The following IFNAR1 variants were observed in gnomAD, a reference collection of about 807,000 sequenced individuals.
IFNAR1 encodes interferon alpha and beta receptor subunit 1, also known as interferon alpha/beta receptor 1.
IFNAR1 carries 47 observed loss-of-function variants against 62.1 expected under a neutral mutation model. The ratio of observed to expected loss-of-function variants is 0.76; its 90% CI spans 0.60 to 0.97. The LOEUF (loss-of-function observed/expected upper bound fraction) is 0.97. IFNAR1 is among the 50% of genes least tolerant of loss of function. IFNAR1 has a pLI of 0.00. For missense variants in IFNAR1, 638 were observed against 654.5 expected, an observed-to-expected ratio of 0.97 and a Z score of 0.27; for synonymous variants, 219 against 226.9, an observed-to-expected ratio of 0.97 and a Z score of 0.31.
rs201532160 is a variant in IFNAR1 at position 33,335,616 on chromosome 21, G to A, written c.169G>A (p.Gly57Arg). 4.3e-5 allele frequency: 68 copies of A among 1,595,312 alleles called. No individual in the cohort carries two copies. Among genetic ancestry groups the A allele is most frequent in the Middle Eastern group, 1.7e-4 (1 of 6,044 alleles). The part of the protein sequence containing the change: ...LRWNRSDESV[G>R]NVTFSFDYQK... The stretch of plus-strand genomic sequence containing the variant: ...GTGGAACAGGAGCGATGAGTCTGTC[G>A]GGAATGTGACTTTTTCATTCGATTA... Residue 57 changes from glycine (G) to arginine (R), a missense_variant, in exon 2 of 11, where the codon GGG (glycine) becomes AGG (arginine). Gly to Arg is a moderately radical substitution (Grantham distance 125). Coordinates refer to ENST00000270139, the MANE Select transcript of IFNAR1 (RefSeq NM_000629.3).
intron 1 of IFNAR1, among the ~76,000 whole-genome samples, chr21:33,328,832 AT>A (rs2083151358): frequency 6.6e-6 from 1 of 152,136 alleles, no homozygotes; most frequent in Non-Finnish European, 1.5e-5. Context: ...CATTATATAT[AT>A]ATTAGATTAA....
In IFNAR1 at chr21:33,325,064, C is replaced by G. The variant is rs1224222463; in HGVS notation, c.9C>G (p.Val3=). 3 of 1,605,460 alleles carry G rather than the reference C, an allele frequency of 1.9e-6. No individual in the cohort carries two copies. Among genetic ancestry groups the G allele is most frequent in the Non-Finnish European group, 2.5e-6 (3 of 1,177,142 alleles). The change falls in exon 1 of 11, where the codon GTC becomes GTG. Residue 3 remains valine, a synonymous_variant. Transcript: ENST00000270139. MM[V]VLLGATTLVL... ...TCTGCGGCGGCTCCCAGATGATGGT[C>G]GTCCTCCTGGGCGCGACGACCCTAG...
rs1448022742 is a variant in IFNAR1 at position 33,341,149 on chromosome 21, T to G, written c.351T>G (p.Val117=). 29 of 1,611,678 alleles carry G rather than the reference T, an allele frequency of 1.8e-5. No individual in the cohort carries two copies. The highest frequency in any genetic ancestry group is 2.4e-5 in the Non-Finnish European group (28 of 1,178,986). ...EKENTSSWYE[V]DSFTPFRKAQ... ...AAAACACTTCTTCATGGTATGAGGT[T>G]GACTCATTTACACCATTTCGCAAAG... The change falls in exon 3 of 11, where the codon GTT becomes GTG. Residue 117 remains valine, a synonymous_variant. Coordinates refer to ENST00000270139, the MANE Select transcript of IFNAR1 (RefSeq NM_000629.3).
Position 33,325,147 on chromosome 21 carries a change from G to A in IFNAR1, c.76+16G>A. On this transcript the variant is annotated intron_variant, in intron 1 of 10. Coordinates refer to ENST00000270139, the MANE Select transcript of IFNAR1 (RefSeq NM_000629.3). Reference sequence around the variant, plus strand: ...GCAGCCGCAGGTGAGAGGCGGGGAGGAGAGTCTTGGCGCAGGGCGGGAGGT... The same window carrying A: ...GCAGCCGCAGGTGAGAGGCGGGGAGAAGAGTCTTGGCGCAGGGCGGGAGGT... The A allele has an allele frequency of 6.2e-7, 1 of 1,605,348 alleles. No individual in the cohort carries two copies. The highest frequency in any genetic ancestry group is 8.5e-7 in the Non-Finnish European group (1 of 1,176,792).
At chr21:33,335,695 T>A (rs1346888407) in intron 2 of IFNAR1, 48 bp downstream of exon 2, 2 of 1,425,974 alleles carry the variant, frequency 1.4e-6, no homozygotes, top group African/African-American at 1.5e-5. Flanking sequence ...GAATAATTTT[T>A]ACAAGTTTAA....
chr21:33,359,289 A>C lies in IFNAR1; in HGVS notation c.*3740A>C, dbSNP rs1297785117. 1.3e-5 allele frequency: 2 copies of C among 152,216 alleles called. No homozygotes were observed. Among genetic ancestry groups the C allele is most frequent in the Non-Finnish European group, 2.9e-5 (2 of 68,048 alleles). 9.4% of individuals were successfully genotyped at this position (152,216 alleles called of 1,614,324 possible). ...CTGCTGGAAACAATTTTATGTAATA[A>C]GCAATGGGCCCAAAAGTCTAGGAGT... On this transcript the variant is annotated 3_prime_UTR_variant, in exon 11 of 11. Coordinates refer to ENST00000270139, the MANE Select transcript of IFNAR1 (RefSeq NM_000629.3).
intron 8 of IFNAR1, 54 bp from the exon 9 acceptor site, chr21:33,352,704 C>T (rs2083410650): frequency 1.0e-6 from 1 of 970,752 alleles, no homozygotes; most frequent in Non-Finnish European, 1.6e-6. Context: ...AGCACATATT[C>T]CCTGATTTCT....
chr21:33,335,825 T>C (rs2083228549), intron 2 of IFNAR1, among the ~76,000 whole-genome samples, 178 bp downstream of exon 2: 1 of 152,092 alleles, frequency 6.6e-6, no homozygotes, highest in Non-Finnish European at 1.5e-5. Context: ...AATACATCTT[T>C]GGGTGTTGAA....
intron 1 of IFNAR1, among the ~76,000 whole-genome samples, chr21:33,329,520 A>G (rs1305092910): frequency 6.6e-6 from 1 of 152,182 alleles, no homozygotes; most frequent in South Asian, 2.1e-4. Context: ...ACCCCATACT[A>G]TAAGATCTAA....
intron 1 of IFNAR1, among the ~76,000 whole-genome samples, chr21:33,330,012 C>G (rs963363851): frequency 6.6e-6 from 1 of 152,166 alleles, no homozygotes; most frequent in South Asian, 2.1e-4. Context: ...CTTGCAACTT[C>G]CAGGGGACAG....
At chr21:33,347,459 G>C (rs994765596) in intron 6 of IFNAR1, among the ~76,000 whole-genome samples, 2 of 152,032 alleles carry the variant, frequency 1.3e-5, no homozygotes, top group African/African-American at 4.8e-5. Flanking sequence ...TAGAGACGGA[G>C]TTTCTCCATG....
chr21:33,333,052 A>C (rs1465130573), intron 1 of IFNAR1, among the ~76,000 whole-genome samples: 1 of 152,248 alleles, frequency 6.6e-6, no homozygotes, highest in African/African-American at 2.4e-5. Flanking sequence ...TCCAAAGCAC[A>C]TTATTATCTG....
At chr21:33,353,351 T>A (rs1349498703) in intron 9 of IFNAR1, among the ~76,000 whole-genome samples, 1 of 152,138 alleles carries the variant, frequency 6.6e-6, no homozygotes, top group Non-Finnish European at 1.5e-5. Context: ...TAAATTTTGC[T>A]AGTTGTATGG....
intron 1 of IFNAR1, among the ~76,000 whole-genome samples, chr21:33,329,267 T>C (rs2083155127): frequency 6.6e-6 from 1 of 152,198 alleles, no homozygotes; most frequent in African/African-American, 2.4e-5. Context: ...ATCAGATCTT[T>C]TGTTAAACTC....
At chr21:33,333,468 A>G (rs534675100) in intron 1 of IFNAR1, among the ~76,000 whole-genome samples, 29 of 152,152 alleles carry the variant, frequency 1.9e-4, no homozygotes, top group Non-Finnish European at 4.0e-4. Flanking sequence ...CCATCAAACC[A>G]CAATGATAAA....
chr21:33,352,518 G>T (rs17875844), intron 8 of IFNAR1, among the ~76,000 whole-genome samples: 1,665 of 152,120 alleles, frequency 0.011, 36 homozygotes, highest in African/African-American at 0.038. Context: ...CAGGAGAATC[G>T]CTTGAACCCA....
At position 33,339,942 on chromosome 21, in the gene IFNAR1, A is replaced by G. The variant is rs1376913033; in HGVS notation, c.201-1057A>G. Among the ~76,000 whole-genome samples, 17 of 151,478 alleles carry G rather than the reference A, an allele frequency of 1.1e-4. 1 individual carries two copies. Among genetic ancestry groups the G allele is most frequent in the Middle Eastern group, 3.4e-3 (1 of 292 alleles). On this transcript the variant is annotated intron_variant, in intron 2 of 10. Coordinates refer to ENST00000270139, the MANE Select transcript of IFNAR1 (RefSeq NM_000629.3). Reference sequence around the variant, plus strand: ...GACTCTGTCTCAAAAAAAAAAAAAAAAAAAAAAAGAAATCTGCTAAGTTCG... The same window carrying G: ...GACTCTGTCTCAAAAAAAAAAAAAAGAAAAAAAAGAAATCTGCTAAGTTCG...
chr21:33,343,500 CT>C (rs745353751), intron 4 of IFNAR1, 34 bp from the exon 5 acceptor site: 1 of 1,553,026 alleles, frequency 6.4e-7, no homozygotes, highest in South Asian at 1.1e-5. Flanking sequence ...TGACTTTATA[CT>C]TTTTTAAAGA....
chr21:33,340,827 A>G (rs532457821), intron 2 of IFNAR1, among the ~76,000 whole-genome samples, 172 bp from the exon 3 acceptor site: 30 of 152,212 alleles, frequency 2.0e-4, no homozygotes, highest in Non-Finnish European at 4.1e-4. Flanking sequence ...TAAAATGTTA[A>G]TAGGACATTA....
Sources: allele counts gnomAD v4.1 joint callset (sites outside exome capture counted in the v4.1 genomes callset), GRCh38; gene constraint gnomAD v4.1.1; transcripts MANE v1.5; gene names NCBI Gene and HGNC (gene_info 2026-07-23, HGNC 2026-07-21).